Variants in HDAC4 observed in about 807,000 individuals in gnomAD.
HDAC4 encodes the protein histone deacetylase 4.
A neutral mutation model predicts 135.1 loss-of-function variants in HDAC4; 16 were observed. The observed-to-expected ratio is 0.12, with a 90% CI of 0.08 to 0.18. The LOEUF (loss-of-function observed/expected upper bound fraction) is 0.18, where lower values mean the gene tolerates loss of function less well. HDAC4 is among the 10% of genes least tolerant of loss of function. HDAC4 has a pLI of 1.00. For synonymous variants in HDAC4, 685 were observed against 653.4 expected, an observed-to-expected ratio of 1.05 and a Z score of -0.74; for missense variants, 1,143 against 1,511.8, an observed-to-expected ratio of 0.76 and a Z score of 4.05.
chr2:239,147,471 C>T (rs1255715794), intron 7 of HDAC4, among the ~76,000 whole-genome samples: 1 of 152,260 alleles, frequency 6.6e-6, no homozygotes, highest in African/African-American at 2.4e-5. Context: ...GCAGGTAAGC[C>T]GGCACCTGGT....
intron 2 of HDAC4, among the ~76,000 whole-genome samples, chr2:239,286,246 A>G (rs185306940): frequency 1.6e-3 from 251 of 152,360 alleles, no homozygotes; most frequent in Non-Finnish European, 3.1e-3. Flanking sequence ...AGAACAAAGT[A>G]GACTTTCAAA....
Position 239,189,979 on chromosome 2 carries a change from C to A in HDAC4, c.193G>T (p.Ala65Ser), listed in dbSNP as rs149493390. 1.2e-6 allele frequency: 2 copies of A among 1,607,544 alleles called. No homozygotes were observed. The highest frequency in any genetic ancestry group is 3.3e-5 in the Admixed American group (2 of 59,998). ...HQFSLPVAEP[A>S]LREQQLQQEL... is the part of the protein sequence containing the mutation. ...TGCTGCAGCTGCTGCTCCCGCAGGG[C>A]CGGCTCTGCCACAGGCAGTGAGAAC... Residue 65 changes from alanine to serine, a missense_variant, in exon 4 of 27, where the codon GCC becomes TCC. Ala to Ser is a moderately conservative substitution (Grantham distance 99). This residue lies in a region of HDAC4 where 247 missense variants were observed against 310.0 expected (regional missense o/e 0.80). Transcript: ENST00000543185.
intron 6 of HDAC4, chr2:239,162,321 G>T (rs568345186): frequency 4.4e-6 from 2 of 456,442 alleles, no homozygotes; most frequent in South Asian, 3.1e-5. Flanking sequence ...TCCATCCTCC[G>T]CCAGGCCCCA....
intron 12 of HDAC4, among the ~76,000 whole-genome samples, chr2:239,123,407 G>C (rs922135866): frequency 5.3e-5 from 8 of 152,122 alleles, no homozygotes; most frequent in African/African-American, 1.9e-4. Flanking sequence ...TGGGGTGGGG[G>C]TGGTGAGCCT....
intron 2 of HDAC4, among the ~76,000 whole-genome samples, chr2:239,294,751 C>T (rs1007956729): frequency 2.6e-5 from 4 of 152,112 alleles, no homozygotes; most frequent in African/African-American, 7.2e-5. Flanking sequence ...CCACCCAGGC[C>T]AGGAGCTCAG....
At chr2:239,290,690 GCACA>G (rs527584630) in intron 2 of HDAC4, among the ~76,000 whole-genome samples, 5 of 151,922 alleles carry the variant, frequency 3.3e-5, no homozygotes, top group South Asian at 2.1e-4. Context: ...GCACGCGCAT[GCACA>G]CACACGCACG....
intron 3 of HDAC4, among the ~76,000 whole-genome samples, chr2:239,200,754 G>A (rs920843847): frequency 6.6e-6 from 1 of 152,138 alleles, no homozygotes; most frequent in African/African-American, 2.4e-5. Flanking sequence ...GTGGGGCTGG[G>A]CGGGAGAGAG....
At chr2:239,117,322 G>A (rs940035144) in intron 12 of HDAC4, among the ~76,000 whole-genome samples, 1 of 152,148 alleles carries the variant, frequency 6.6e-6, no homozygotes, top group African/African-American at 2.4e-5. Flanking sequence ...AAAGGGTGAG[G>A]CCAGCCCCAC....
chr2:239,345,902 A>G (rs538889327), intron 2 of HDAC4, among the ~76,000 whole-genome samples: 1 of 144,010 alleles, frequency 6.9e-6, no homozygotes, highest in East Asian at 2.1e-4. Flanking sequence ...ACACACACAC[A>G]CCCCCATCTC....
At chr2:239,247,283 T>C (rs2048521422) in intron 2 of HDAC4, among the ~76,000 whole-genome samples, 1 of 152,218 alleles carries the variant, frequency 6.6e-6, no homozygotes, top group Non-Finnish European at 1.5e-5. Flanking sequence ...CTCCCGAGAA[T>C]TCTAACAAAT....
intron 24 of HDAC4, among the ~76,000 whole-genome samples, chr2:239,057,496 A>C (rs995731171): frequency 1.3e-5 from 2 of 152,216 alleles, no homozygotes; most frequent in African/African-American, 2.4e-5. Flanking sequence ...AAACAAAAAG[A>C]AAATTCTAAA....
At chr2:239,121,418 C>G (rs1307006023) in intron 12 of HDAC4, among the ~76,000 whole-genome samples, 2 of 152,204 alleles carry the variant, frequency 1.3e-5, no homozygotes, top group Non-Finnish European at 2.9e-5. Flanking sequence ...GCCACTGCAA[C>G]CTGCCTGCCT....
At position 239,245,738 on chromosome 2, in the gene HDAC4, C is replaced by T. The variant is rs141634227; in HGVS notation, c.23-9074G>A. Among the ~76,000 whole-genome samples the T allele has an allele frequency of 2.3e-4, 35 of 152,278 alleles. 1 individual carries two copies. The East Asian group carries it at 6.8e-3, about 29-fold the overall frequency. ...TTTGAAACTTTTCATAACAATTTTT[C>T]AAGAGATGCCAGGAATAAAGACGAG... On this transcript the variant is annotated intron_variant, in intron 2 of 26. Transcript: ENST00000543185. This position sits in a 1 kb window ranked among gnomAD's most constrained non-coding sequence, Gnocchi z 4.4.
At chr2:239,207,627 T>A (rs1053767798) in intron 3 of HDAC4, among the ~76,000 whole-genome samples, 1 of 152,184 alleles carries the variant, frequency 6.6e-6, no homozygotes. Flanking sequence ...AAAACTTACA[T>A]GAAGTAGACA....
chr2:239,061,248 GCATT>G (rs2032671145), intron 24 of HDAC4, among the ~76,000 whole-genome samples: 1 of 151,770 alleles, frequency 6.6e-6, no homozygotes, highest in South Asian at 2.1e-4. Flanking sequence ...ACTGTGTGGT[GCATT>G]CATGAGTATG....
rs1342486841 is a variant in HDAC4 at position 239,048,570 on chromosome 2, T to TAGATAGATAGAC, written c.*4526_*4527insGTCTATCTATCT. The stretch of plus-strand genomic sequence containing the variant: ...GGTTCAAGCCCCCTGTATAGATAGA[T>TAGATAGATAGAC]AGATAGATAGATAGATAGATAGATT... On this transcript the variant is annotated 3_prime_UTR_variant, in exon 27 of 27. Transcript: ENST00000543185. The TAGATAGATAGAC allele has an allele frequency of 2.0e-5, 3 of 151,704 alleles. No homozygotes were observed. The highest frequency in any genetic ancestry group is 7.3e-5 in the African/African-American group (3 of 41,278). 9.4% of individuals were successfully genotyped at this position (151,704 alleles called of 1,614,324 possible).
At chr2:239,391,782 G>A (rs553616989) in intron 1 of HDAC4, among the ~76,000 whole-genome samples, 77 of 152,314 alleles carry the variant, frequency 5.1e-4, no homozygotes, top group Middle Eastern at 6.8e-3. Context: ...CCACACCCAC[G>A]AGAGCACCGA....
rs147601501 is a variant in HDAC4 at position 239,110,912 on chromosome 2, C to T, written c.1978+614G>A. ...CAGACAAGTCCAGGGCCCGGCCCCT[C>T]CTGCCTCCTCAGCCGTGGTGGACGC... is the stretch of plus-strand genomic sequence containing the variant. On this transcript the variant is annotated intron_variant, in intron 14 of 26. Coordinates refer to ENST00000543185, the MANE Select transcript of HDAC4 (RefSeq NM_001378414.1). 1.6e-3 allele frequency among the ~76,000 whole-genome samples: 250 copies of T among 152,352 alleles called. 1 individual carries two copies. Among genetic ancestry groups the T allele is most frequent in the African/African-American group, 5.9e-3 (244 of 41,582 alleles).
intron 3 of HDAC4, among the ~76,000 whole-genome samples, chr2:239,205,063 C>T (rs1455146163): frequency 6.6e-6 from 1 of 152,224 alleles, no homozygotes; most frequent in Non-Finnish European, 1.5e-5. Flanking sequence ...TGCAGGCACT[C>T]ATCCTTCCGG....
Sources: gnomAD v4.1 joint callset for allele counts (sites outside exome capture counted in the v4.1 genomes callset) on GRCh38, gnomAD v4.1.1 for gene constraint, gnomAD v4.1.1 regional missense constraint, Gnocchi (gnomAD v3.1) non-coding constraint, MANE v1.5 for transcripts, NCBI Gene and HGNC (gene_info 2026-07-23, HGNC 2026-07-21) for gene names.